NCALD: variants seen among roughly 807,000 people sequenced by gnomAD.
NCALD encodes the protein neurocalcin delta, also known as neurocalcin-delta.
A neutral mutation model predicts 18.6 loss-of-function variants in NCALD; 10 were observed. That is an observed-to-expected ratio of 0.54 (90% CI 0.33 to 0.91). The LOEUF (loss-of-function observed/expected upper bound fraction) is 0.91, where lower values mean the gene tolerates loss of function less well. Among genes scored for constraint, NCALD ranks in the 40% least tolerant of loss-of-function variants. NCALD has a pLI of 0.03. For synonymous variants in NCALD, 88 were observed against 87.4 expected, an observed-to-expected ratio of 1.01 and a Z score of -0.04; for missense variants, 184 against 247.6, an observed-to-expected ratio of 0.74 and a Z score of 1.72.
chr8:101,908,493 C>T (rs984203301), intron 3 of NCALD, among the ~76,000 whole-genome samples: 9 of 152,194 alleles, frequency 5.9e-5, no homozygotes, highest in Non-Finnish European at 1.2e-4. Flanking sequence ...TTTCATTTCA[C>T]GGAACCATGT....
At chr8:101,780,970 G>A (rs191253059) in intron 1 of NCALD, among the ~76,000 whole-genome samples, 137 of 152,230 alleles carry the variant, frequency 9.0e-4, no homozygotes, top group African/African-American at 3.1e-3. Flanking sequence ...GCTATAATCC[G>A]TAGGCTGTTT....
intron 2 of NCALD, among the ~76,000 whole-genome samples, chr8:101,955,953 C>T (rs1819607060): frequency 6.6e-6 from 1 of 152,010 alleles, no homozygotes; most frequent in African/African-American, 2.4e-5. Flanking sequence ...CTTCAAGTTA[C>T]TTCCCAGTAG....
At position 102,012,870 on chromosome 8, in the gene NCALD, A is replaced by G. The variant is rs566940064; in HGVS notation, c.-157+7367T>C. ...CTCAGCTCCCATAGCAGATCACCACATTGCAAGGTCATTAGTAGCAGGAGT... is the reference window on the plus strand; with the variant it reads ...CTCAGCTCCCATAGCAGATCACCACGTTGCAAGGTCATTAGTAGCAGGAGT... On this transcript the variant is annotated intron_variant, in intron 2 of 6. Coordinates refer to the NCALD transcript ENST00000311028. Among the ~76,000 whole-genome samples the G allele has an allele frequency of 5.9e-5, 9 of 152,286 alleles. No homozygotes were observed. In the South Asian group the frequency reaches 1.5e-3, roughly 25 times the overall value.
chr8:101,962,213 G>A (rs569503486), intron 2 of NCALD, among the ~76,000 whole-genome samples: 1 of 152,302 alleles, frequency 6.6e-6, no homozygotes, highest in African/African-American at 2.4e-5. Flanking sequence ...TGGGCAACAA[G>A]TTTGAAAACA....
At chr8:101,866,117 C>T (rs745932990) in intron 4 of NCALD, among the ~76,000 whole-genome samples, 1 of 152,212 alleles carries the variant, frequency 6.6e-6, no homozygotes, top group Non-Finnish European at 1.5e-5. Flanking sequence ...TGAGTCTACT[C>T]ATATCAAAGT....
chr8:102,056,700 T>C (rs1823663477), intron 1 of NCALD, among the ~76,000 whole-genome samples: 1 of 152,204 alleles, frequency 6.6e-6, no homozygotes. Context: ...TGTTCCACTG[T>C]CCCATCCAGT....
rs1240896022 is a variant in NCALD at position 101,717,966 on chromosome 8, C to A, written c.378+1286G>T. Among the ~76,000 whole-genome samples the A allele has an allele frequency of 2.0e-5, 3 of 152,200 alleles. No individual in the cohort carries two copies. In the East Asian group the frequency reaches 5.8e-4, roughly 29 times the overall value. On this transcript the variant is annotated intron_variant, in intron 2 of 3. Transcript: ENST00000220931. The stretch of plus-strand genomic sequence containing the variant: ...AAAATGGTTCTAAGTTTAATTTAAT[C>A]TCTTTGATGATTTGGAAGTCACCTC...
intron 4 of NCALD, chr8:101,871,923 C>T (rs1278351076): frequency 2.8e-6 from 2 of 711,580 alleles, no homozygotes; most frequent in African/African-American, 1.7e-5. Context: ...TAGGGTTTTC[C>T]TCCAAGTCCG....
At chr8:101,795,422 C>T (rs1812602674), upstream of NCALD, among the ~76,000 whole-genome samples, 1 of 152,176 alleles carries the variant, frequency 6.6e-6, no homozygotes. Context: ...GATCAAGGCT[C>T]CTACAGATGT....
intron 1 of NCALD, among the ~76,000 whole-genome samples, chr8:102,096,574 T>C (rs1327537959): frequency 1.3e-5 from 2 of 152,258 alleles, no homozygotes; most frequent in Non-Finnish European, 2.9e-5. Context: ...TGGTTGATTT[T>C]TGCAACCAAT....
intron 1 of NCALD, among the ~76,000 whole-genome samples, chr8:101,725,952 G>A (rs1308637080): frequency 6.6e-6 from 1 of 152,184 alleles, no homozygotes; most frequent in African/African-American, 2.4e-5. Context: ...TGAATAAGAA[G>A]CCAGGGAAAG....
At chr8:101,887,544 A>G (rs1053371087) in intron 3 of NCALD, among the ~76,000 whole-genome samples, 2 of 152,144 alleles carry the variant, frequency 1.3e-5, no homozygotes, top group East Asian at 3.8e-4. Context: ...CATGCTGGGT[A>G]ACATTCAGGC....
intron 1 of NCALD, among the ~76,000 whole-genome samples, chr8:102,122,902 T>C (rs1319516268): frequency 6.6e-6 from 1 of 152,222 alleles, no homozygotes; most frequent in African/African-American, 2.4e-5. Flanking sequence ...TCCAGGACAA[T>C]TTCCAGAGAT....
At chr8:102,097,823 T>G (rs73700217) in intron 1 of NCALD, among the ~76,000 whole-genome samples, 3,548 of 152,294 alleles carry the variant, frequency 0.023, 124 homozygotes, top group African/African-American at 0.08. Flanking sequence ...ATTTCCTAAT[T>G]TTAAATGATG....
chr8:101,813,837 C>T (rs1313843495), intron 4 of NCALD, among the ~76,000 whole-genome samples: 3 of 151,974 alleles, frequency 2.0e-5, no homozygotes, highest in Non-Finnish European at 4.4e-5. Flanking sequence ...AAAATCTGTC[C>T]ATATACATAA....
chr8:101,957,749 T>A (rs951809480), intron 2 of NCALD, among the ~76,000 whole-genome samples: 8 of 152,060 alleles, frequency 5.3e-5, no homozygotes, highest in Non-Finnish European at 8.8e-5. Context: ...GGATGGCAAG[T>A]AAAAGATGAG....
At chr8:101,728,669 A>G (rs544254226) in intron 1 of NCALD, among the ~76,000 whole-genome samples, 5 of 152,218 alleles carry the variant, frequency 3.3e-5, no homozygotes, top group African/African-American at 1.2e-4. Flanking sequence ...AAATACAAAA[A>G]ATTAGCCAGG....
chr8:102,011,585 G>C (rs949640584), intron 2 of NCALD, among the ~76,000 whole-genome samples: 2 of 152,262 alleles, frequency 1.3e-5, no homozygotes, highest in South Asian at 2.1e-4. Context: ...GTGCTCATTT[G>C]ACAATCTTAT....
intron 1 of NCALD, among the ~76,000 whole-genome samples, chr8:102,102,829 T>G (rs1172227559): frequency 2.6e-5 from 4 of 152,138 alleles, no homozygotes; most frequent in Non-Finnish European, 5.9e-5. Context: ...GGTTTCCAGC[T>G]GGGCCTCCCA....
Sources: gnomAD v4.1 joint callset for allele counts (sites outside exome capture counted in the v4.1 genomes callset) on GRCh38, gnomAD v4.1.1 for gene constraint, MANE v1.5 for transcripts, NCBI Gene and HGNC (gene_info 2026-07-23, HGNC 2026-07-21) for gene names.